The following DUSP22 variants were observed in gnomAD, a reference collection of about 807,000 sequenced individuals.
The protein encoded by DUSP22 is dual specificity protein phosphatase 22.
In DUSP22, 24 loss-of-function variants were observed where a neutral mutation model predicts 24.5. The observed-to-expected ratio is 0.98, with a 90% CI of 0.71 to 1.38. The LOEUF is 1.38. DUSP22 is among the 40% of genes most tolerant of loss of function. DUSP22 has a pLI of 0.00. For missense variants in DUSP22, 330 were observed against 269.2 expected, an observed-to-expected ratio of 1.23 and a Z score of -1.58; for synonymous variants, 160 against 106.4, an observed-to-expected ratio of 1.50 and a Z score of -3.10.
chr6:329,742 A>G (rs978987805), intron 3 of DUSP22, among the ~76,000 whole-genome samples: 1 of 152,306 alleles, frequency 6.6e-6, no homozygotes, highest in Non-Finnish European at 1.5e-5. Context: ...ATGAGCCACC[A>G]TGCCCAGCCT....
At chr6:315,317 C>G (rs1379315420) in intron 3 of DUSP22, among the ~76,000 whole-genome samples, 7 of 152,296 alleles carry the variant, frequency 4.6e-5, no homozygotes, top group African/African-American at 1.7e-4. Flanking sequence ...ACAGAAATCC[C>G]AGCTAAACAG....
At chr6:329,625 G>A (rs1251604521) in intron 3 of DUSP22, among the ~76,000 whole-genome samples, 4 of 152,298 alleles carry the variant, frequency 2.6e-5, no homozygotes, top group Non-Finnish European at 5.9e-5. Flanking sequence ...GCTAATTTTT[G>A]TATTTTTTAG....
intron 3 of DUSP22, among the ~76,000 whole-genome samples, chr6:331,078 C>T (rs560371775): frequency 1.1e-4 from 17 of 152,406 alleles, no homozygotes; most frequent in South Asian, 2.1e-4. Flanking sequence ...GAAATCATGA[C>T]GGTCTTGAAG....
In DUSP22 at chr6:349,951, C is replaced by G; in HGVS notation, c.*1000C>G. The G allele has an allele frequency of 1.0e-6, 1 of 985,794 alleles. No individual in the cohort carries two copies. Among genetic ancestry groups the G allele is most frequent in the Non-Finnish European group, 1.2e-6 (1 of 830,080 alleles). The allele number at this position is 985,794 out of a possible 1,614,324, so 61.1% of individuals were successfully genotyped here. On this transcript the variant is annotated 3_prime_UTR_variant, in exon 7 of 7. Transcript: ENST00000419235. The stretch of plus-strand genomic sequence containing the variant: ...TCGCTGTCCTCACTTTGCAGGGGCT[C>G]CTCCTCAACATTTGCATGCACCTGC...
chr6:339,187 C>G (rs1759487740), intron 4 of DUSP22, among the ~76,000 whole-genome samples: 1 of 152,306 alleles, frequency 6.6e-6, no homozygotes. Flanking sequence ...GCGTGTTCCC[C>G]AAGTGGCCAG....
At chr6:338,156 C>G (rs1163923401) in intron 4 of DUSP22, 3 of 152,378 alleles carry the variant, frequency 2.0e-5, no homozygotes, top group African/African-American at 7.2e-5. Context: ...TTATTTTTAA[C>G]CCATTAGTAA....
At chr6:293,202 A>T (rs545964260) in intron 1 of DUSP22, among the ~76,000 whole-genome samples, 2 of 152,282 alleles carry the variant, frequency 1.3e-5, no homozygotes, top group Admixed American at 6.5e-5. Flanking sequence ...GTGTTGCTCC[A>T]TTTGTCCCGT....
chr6:313,198 T>C (rs1758187774), intron 3 of DUSP22, among the ~76,000 whole-genome samples: 1 of 152,308 alleles, frequency 6.6e-6, no homozygotes, highest in Admixed American at 6.5e-5. Flanking sequence ...AATCACAAGA[T>C]GAGGCTTGAG....
chr6:325,396 C>T (rs1238213974), intron 3 of DUSP22: 4 of 195,940 alleles, frequency 2.0e-5, no homozygotes, highest in Non-Finnish European at 3.8e-5. Context: ...CTGCCCTGGG[C>T]TTCTGCGTCC....
At chr6:327,377 C>G (rs1758929496) in intron 3 of DUSP22, among the ~76,000 whole-genome samples, 1 of 152,312 alleles carries the variant, frequency 6.6e-6, no homozygotes, top group Non-Finnish European at 1.5e-5. Context: ...GACTCCAGGG[C>G]TACCTGCAGG....
At chr6:301,375 G>C (rs566749995) in intron 1 of DUSP22, among the ~76,000 whole-genome samples, 8 of 152,420 alleles carry the variant, frequency 5.2e-5, no homozygotes, top group Non-Finnish European at 7.3e-5. Context: ...GGGATGACCT[G>C]GCTCGGCTGG....
At chr6:334,829 C>T (rs1759290749) in intron 3 of DUSP22, among the ~76,000 whole-genome samples, 1 of 152,294 alleles carries the variant, frequency 6.6e-6, no homozygotes, top group Non-Finnish European at 1.5e-5. Flanking sequence ...TTGAAACTTA[C>T]TGAAAAGTAC....
chr6:334,860 A>G (rs1479257712), intron 3 of DUSP22, among the ~76,000 whole-genome samples: 12 of 152,296 alleles, frequency 7.9e-5, no homozygotes, highest in Non-Finnish European at 1.6e-4. Flanking sequence ...CACTTTTTTG[A>G]TGTGCCCTTT....
chr6:318,380 G>A (rs1272467530), intron 3 of DUSP22, among the ~76,000 whole-genome samples: 2 of 152,308 alleles, frequency 1.3e-5, no homozygotes, highest in African/African-American at 4.8e-5. Flanking sequence ...AAAGCTAAGA[G>A]GACATTCAGG....
In DUSP22 at chr6:350,081, G is replaced by A. The variant is rs1405946264; in HGVS notation, c.*1130G>A. 4 of 985,590 alleles carry A rather than the reference G, an allele frequency of 4.1e-6. No individual in the cohort carries two copies. Among genetic ancestry groups the A allele is most frequent in the Non-Finnish European group, 4.8e-6 (4 of 830,072 alleles). The allele number at this position is 985,590 out of a possible 1,614,324, so 61.1% of individuals were successfully genotyped here. On this transcript the variant is annotated 3_prime_UTR_variant, in exon 7 of 7. Coordinates refer to ENST00000419235, the MANE Select transcript of DUSP22 (RefSeq NM_001286555.3). Reference sequence around the variant, plus strand: ...TGGTATTCACTTGGGTTTGATAATTGATCTGAGCTACCTCATTGAATGTTT... The same window carrying A: ...TGGTATTCACTTGGGTTTGATAATTAATCTGAGCTACCTCATTGAATGTTT...
At position 349,259 on chromosome 6, in the gene DUSP22, G is replaced by A. The variant is rs1014302722; in HGVS notation, c.*308G>A. 3 of 1,334,542 alleles carry A rather than the reference G, an allele frequency of 2.2e-6. No individual in the cohort carries two copies. Among genetic ancestry groups the A allele is most frequent in the African/African-American group, 2.9e-5 (2 of 68,372 alleles). 82.7% of individuals were successfully genotyped at this position (1,334,542 alleles called of 1,614,324 possible). On this transcript the variant is annotated 3_prime_UTR_variant, in exon 7 of 7. Coordinates refer to ENST00000419235, the MANE Select transcript of DUSP22 (RefSeq NM_001286555.3). ...GGTGACTAAGTGGATGCATGTGTGT[G>A]CCTGTGTGAGTGAGGGTATGTGCAC...
At chr6:298,886 G>GTAAGGAAAT (rs561803948) in intron 1 of DUSP22, among the ~76,000 whole-genome samples, 1,630 of 151,546 alleles carry the variant, frequency 0.011, no homozygotes, top group African/African-American at 0.038. Flanking sequence ...CAGTCCGAAA[G>GTAAGGAAAT]TAAGGAAATG....
In DUSP22 at chr6:345,939, C is replaced by G. The variant is rs956883288; in HGVS notation, c.263+11C>G. ...CTGCCTTGTACACTGGTACGTGTGT[C>G]TCTTGCTTAATAGCGCCTTAGCGTA... is the stretch of plus-strand genomic sequence containing the variant. On this transcript the variant is annotated intron_variant, in intron 5 of 6. Transcript: ENST00000419235. The G allele has an allele frequency of 6.2e-7, 1 of 1,614,132 alleles. No homozygotes were observed. Among genetic ancestry groups the G allele is most frequent in the Non-Finnish European group, 8.5e-7 (1 of 1,179,958 alleles).
intron 3 of DUSP22, among the ~76,000 whole-genome samples, chr6:329,462 T>C (rs1260411871): frequency 2.0e-5 from 3 of 152,306 alleles, no homozygotes; most frequent in Non-Finnish European, 4.4e-5. Context: ...GGTAAATCTT[T>C]GCTTTTTTTT....
Sources: allele counts gnomAD v4.1 joint callset (sites outside exome capture counted in the v4.1 genomes callset), GRCh38; gene constraint gnomAD v4.1.1; transcripts MANE v1.5; gene names NCBI Gene and HGNC (gene_info 2026-07-23, HGNC 2026-07-21).